The following SGCZ variants were observed in gnomAD, a reference collection of about 807,000 sequenced individuals.
SGCZ encodes the protein zeta-sarcoglycan.
Under a neutral mutation model 41.3 loss-of-function variants are expected in SGCZ, and 40 were observed. The observed-to-expected ratio is 0.97, with a 90% confidence interval of 0.75 to 1.26. The LOEUF is 1.26. Among genes scored for constraint, SGCZ ranks in the 50% most tolerant of loss-of-function variants. The pLI is 0.00. For missense variants in SGCZ, 552 were observed against 369.8 expected, an observed-to-expected ratio of 1.49 and a Z score of -4.04; for synonymous variants, 206 against 137.5, an observed-to-expected ratio of 1.50 and a Z score of -3.49.
chr8:14,554,738 G>T lies in SGCZ; in HGVS notation c.228C>A (p.Phe76Leu), dbSNP rs753269316. Residue 76 changes from phenylalanine to leucine, a missense_variant, in exon 2 of 8, where the codon TTC becomes TTA. Coordinates refer to ENST00000382080, the MANE Select transcript of SGCZ (RefSeq NM_139167.4). Reference protein sequence around the residue: ...MTIWILKVMNFTVDGMGNLRV... With the variant: ...MTIWILKVMNLTVDGMGNLRV... Reference sequence around the variant, plus strand: ...AAATCATAGTGGTACTTACCACAGTGAAATTCATAACTTTCAATATCCATA... The same window carrying T: ...AAATCATAGTGGTACTTACCACAGTTAAATTCATAACTTTCAATATCCATA... The T allele has an allele frequency of 1.9e-6, 3 of 1,611,968 alleles. No homozygotes were observed. Among genetic ancestry groups the T allele is most frequent in the Non-Finnish European group, 1.7e-6 (2 of 1,178,760 alleles).
At chr8:14,182,286 C>T (rs370274107) in intron 4 of SGCZ, among the ~76,000 whole-genome samples, 1 of 152,150 alleles carries the variant, frequency 6.6e-6, no homozygotes, top group Non-Finnish European at 1.5e-5. Context: ...TGAGCCAAGG[C>T]CATGATGCCC....
chr8:14,259,983 T>C (rs1415389599), intron 3 of SGCZ, among the ~76,000 whole-genome samples: 5 of 152,200 alleles, frequency 3.3e-5, no homozygotes, highest in Non-Finnish European at 7.3e-5. Context: ...TCCTCTTTTA[T>C]TTCCTTGAGC....
intron 1 of SGCZ, among the ~76,000 whole-genome samples, chr8:15,171,745 G>T (rs1298856088): frequency 6.6e-6 from 1 of 152,148 alleles, no homozygotes; most frequent in Non-Finnish European, 1.5e-5. Context: ...TAGATGATTT[G>T]CATGCAATCT....
chr8:14,244,076 G>A (rs922959394), intron 3 of SGCZ, among the ~76,000 whole-genome samples: 2 of 152,062 alleles, frequency 1.3e-5, no homozygotes, highest in Non-Finnish European at 2.9e-5. Context: ...AGGCTACATG[G>A]GTTTAAGTGG....
At chr8:14,551,542 A>T (rs866092333) in intron 2 of SGCZ, among the ~76,000 whole-genome samples, 1,885 of 6,438 alleles carry the variant, frequency 0.29, 268 homozygotes, top group East Asian at 0.51. Context: ...TAATATATAT[A>T]ATATATATAA....
At chr8:14,868,164 T>A (rs1804001558) in intron 1 of SGCZ, among the ~76,000 whole-genome samples, 1 of 152,100 alleles carries the variant, frequency 6.6e-6, no homozygotes, top group Admixed American at 6.6e-5. Flanking sequence ...TTTACTGAAA[T>A]CAACTCTGTG....
chr8:14,869,248 G>C (rs961290866), intron 1 of SGCZ, among the ~76,000 whole-genome samples: 2 of 152,144 alleles, frequency 1.3e-5, no homozygotes, highest in African/African-American at 4.8e-5. Context: ...CCACGATTAA[G>C]TTGACGTCAT....
chr8:14,583,936 A>C (rs905071245), intron 1 of SGCZ, among the ~76,000 whole-genome samples: 60 of 152,022 alleles, frequency 3.9e-4, no homozygotes, highest in Non-Finnish European at 6.3e-4. Context: ...TGATGCCTTA[A>C]ATTATTTTTG....
chr8:15,097,864 GTGTA>G (rs1321575401), intron 1 of SGCZ, among the ~76,000 whole-genome samples: 2 of 36,646 alleles, frequency 5.5e-5, no homozygotes, highest in African/African-American at 1.7e-4. Context: ...ATACGTGTGT[GTGTA>G]TATATATATA....
chr8:14,881,581 C>T (rs1420597339), intron 1 of SGCZ, among the ~76,000 whole-genome samples: 1 of 152,124 alleles, frequency 6.6e-6, no homozygotes, highest in Non-Finnish European at 1.5e-5. Context: ...TTAGAGTTGC[C>T]TTGCATTGGC....
chr8:15,185,101 T>C (rs1343914780), intron 1 of SGCZ, among the ~76,000 whole-genome samples: 3 of 152,200 alleles, frequency 2.0e-5, no homozygotes, highest in Non-Finnish European at 4.4e-5. Context: ...GCAGTATCTG[T>C]ATAATCATCA....
intron 4 of SGCZ, 63 bp downstream of exon 4, chr8:14,237,529 A>T: frequency 6.8e-7 from 1 of 1,470,962 alleles, no homozygotes; most frequent in Non-Finnish European, 9.4e-7. Context: ...AGAACCAAAA[A>T]CCAAAAACAA....
chr8:15,042,739 A>G lies in SGCZ; in HGVS notation c.39+194846T>C, dbSNP rs137976694. Among the ~76,000 whole-genome samples the G allele has an allele frequency of 8.9e-4, 135 of 152,258 alleles. 1 individual carries two copies. Among genetic ancestry groups the G allele is most frequent in the African/African-American group, 3.2e-3 (131 of 41,550 alleles). On this transcript the variant is annotated intron_variant, in intron 1 of 7. Transcript: ENST00000382080. ...AATTTATATTTAAGATGCTTTTCAGAAATACTACATAGGACATCACAAAAT... is the reference window on the plus strand; with the variant it reads ...AATTTATATTTAAGATGCTTTTCAGGAATACTACATAGGACATCACAAAAT...
chr8:14,112,884 A>G (rs114851939), intron 5 of SGCZ, among the ~76,000 whole-genome samples: 233 of 152,178 alleles, frequency 1.5e-3, no homozygotes, highest in Middle Eastern at 6.8e-3. Context: ...GATCAACAGA[A>G]AATAAATTAT....
At chr8:14,758,675 A>C (rs1158725583) in intron 1 of SGCZ, among the ~76,000 whole-genome samples, 3 of 152,208 alleles carry the variant, frequency 2.0e-5, no homozygotes, top group Non-Finnish European at 2.9e-5. Context: ...ACTACATTAA[A>C]GCGAAATTAT....
intron 1 of SGCZ, among the ~76,000 whole-genome samples, chr8:15,036,537 T>G (rs1296568236): frequency 6.6e-6 from 1 of 151,928 alleles, no homozygotes; most frequent in Non-Finnish European, 1.5e-5. Context: ...AACATTCATG[T>G]CCTACACGTG....
At chr8:14,831,352 C>T (rs946945081) in intron 1 of SGCZ, among the ~76,000 whole-genome samples, 3 of 152,158 alleles carry the variant, frequency 2.0e-5, no homozygotes, top group Admixed American at 2.0e-4. Context: ...TATTCCCACA[C>T]ATGCAGGCAA....
intron 4 of SGCZ, among the ~76,000 whole-genome samples, chr8:14,185,447 T>C (rs1804873049): frequency 1.3e-5 from 2 of 152,054 alleles, no homozygotes; most frequent in South Asian, 4.1e-4. Flanking sequence ...AATCTGGCTT[T>C]CATTCTCATT....
At chr8:15,089,819 C>A (rs148615986) in intron 1 of SGCZ, among the ~76,000 whole-genome samples, 265 of 152,178 alleles carry the variant, frequency 1.7e-3, no homozygotes, top group Non-Finnish European at 3.0e-3. Flanking sequence ...TTCAATATAG[C>A]TGTCAAAATA....
Sources: gnomAD v4.1 joint callset for allele counts (sites outside exome capture counted in the v4.1 genomes callset) on GRCh38, gnomAD v4.1.1 for gene constraint, MANE v1.5 for transcripts, NCBI Gene and HGNC (gene_info 2026-07-23, HGNC 2026-07-21) for gene names.